Variants in HEMK2 observed in about 807,000 individuals in gnomAD.
HEMK2 encodes the protein methyltransferase HEMK2.
the HEMK2 span, among the ~76,000 whole-genome samples, chr21:28,795,359 T>C: frequency 6.8e-4 from 103 of 152,320 alleles, 4 homozygotes; most frequent in East Asian, 0.018. Flanking sequence ...CCTTTGCTAC[T>C]TCCTGGCTGA....
the HEMK2 span, among the ~76,000 whole-genome samples, chr21:28,722,690 T>A: frequency 6.6e-6 from 1 of 152,140 alleles, no homozygotes; most frequent in Non-Finnish European, 1.5e-5. Context: ...AAGACCAGCC[T>A]GACCAACATG....
At chr21:28,684,082 GT>G in the HEMK2 span, among the ~76,000 whole-genome samples, 1 of 152,272 alleles carries the variant, frequency 6.6e-6, no homozygotes, top group East Asian at 1.9e-4. Context: ...CTTATATGTT[GT>G]TTTGGATACT....
chr21:28,711,493 T>C, the HEMK2 span, among the ~76,000 whole-genome samples: 5 of 152,140 alleles, frequency 3.3e-5, no homozygotes, highest in Non-Finnish European at 5.9e-5. Flanking sequence ...TTTGGGCTGC[T>C]AGAACAGTTG....
chr21:28,691,335 C>A, the HEMK2 span, among the ~76,000 whole-genome samples: 1 of 152,092 alleles, frequency 6.6e-6, no homozygotes, highest in African/African-American at 2.4e-5. Context: ...CAAAGATAAT[C>A]AATTAATTTT....
At chr21:28,778,354 A>G in the HEMK2 span, among the ~76,000 whole-genome samples, 2 of 152,168 alleles carry the variant, frequency 1.3e-5, no homozygotes, top group South Asian at 4.1e-4. Flanking sequence ...TGGTTTAACT[A>G]TTCGTTTGCT....
At chr21:28,851,850 C>G in the HEMK2 span, among the ~76,000 whole-genome samples, 1 of 152,162 alleles carries the variant, frequency 6.6e-6, no homozygotes, top group African/African-American at 2.4e-5. Context: ...GCTAGCCTTG[C>G]CAGCTGAAGG....
the HEMK2 span, among the ~76,000 whole-genome samples, chr21:28,839,002 C>T: frequency 0.13 from 4,325 of 32,698 alleles, 281 homozygotes; most frequent in African/African-American, 0.34. Flanking sequence ...TATATATATA[C>T]ATATATATAC....
At chr21:28,697,328 G>A in the HEMK2 span, among the ~76,000 whole-genome samples, 3 of 152,098 alleles carry the variant, frequency 2.0e-5, no homozygotes, top group Admixed American at 6.5e-5. Flanking sequence ...CTAGGGCAAG[G>A]GCAAAATGCT....
the HEMK2 span, among the ~76,000 whole-genome samples, chr21:28,852,910 T>G: frequency 6.6e-6 from 1 of 152,210 alleles, no homozygotes; most frequent in East Asian, 1.9e-4. Flanking sequence ...TGCTGTCCAT[T>G]CTGGTAGCTA....
chr21:28,754,022 C>A, the HEMK2 span, among the ~76,000 whole-genome samples: 1 of 152,182 alleles, frequency 6.6e-6, no homozygotes, highest in Non-Finnish European at 1.5e-5. Flanking sequence ...TTTCTAAGAT[C>A]ATTCAGTACG....
chr21:28,709,475 G>A, the HEMK2 span, among the ~76,000 whole-genome samples: 11 of 152,050 alleles, frequency 7.2e-5, no homozygotes, highest in Non-Finnish European at 1.0e-4. Context: ...ATTTCCAACC[G>A]GCTGTTATAA....
the HEMK2 span, among the ~76,000 whole-genome samples, chr21:28,701,846 G>A: frequency 6.6e-6 from 1 of 151,964 alleles, no homozygotes; most frequent in African/African-American, 2.4e-5. Flanking sequence ...AAATTCATAT[G>A]GAACCAAAAA....
At chr21:28,626,224 A>C in the HEMK2 span, among the ~76,000 whole-genome samples, 5 of 152,192 alleles carry the variant, frequency 3.3e-5, no homozygotes. Flanking sequence ...TTAAACTATT[A>C]TGCGGTTATT....
At chr21:28,630,680 C>T in the HEMK2 span, among the ~76,000 whole-genome samples, 2 of 146,832 alleles carry the variant, frequency 1.4e-5, no homozygotes, top group African/African-American at 5.1e-5. Context: ...ATCGCAAGGA[C>T]AAAAAACCAA....
chr21:28,609,972 G>A, the HEMK2 span, among the ~76,000 whole-genome samples: 4 of 152,320 alleles, frequency 2.6e-5, no homozygotes, highest in East Asian at 7.7e-4. Context: ...TGAAGGTGTG[G>A]AAAACATATT....
At chr21:28,664,901 A>T in the HEMK2 span, among the ~76,000 whole-genome samples, 2 of 152,174 alleles carry the variant, frequency 1.3e-5, no homozygotes, top group Non-Finnish European at 2.9e-5. Flanking sequence ...ATTATAAGTT[A>T]AAAGTTTGTA....
the HEMK2 span, among the ~76,000 whole-genome samples, chr21:28,706,650 G>A: frequency 1.3e-5 from 2 of 152,200 alleles, no homozygotes; most frequent in South Asian, 4.1e-4. Context: ...TGATTTTGCA[G>A]TTTTCTTTTC....
chr21:28,745,300 C>T, the HEMK2 span, among the ~76,000 whole-genome samples: 120 of 152,274 alleles, frequency 7.9e-4, 2 homozygotes, highest in East Asian at 0.019. Flanking sequence ...AAATCGTTAA[C>T]GATATTTCCA....
At chr21:28,840,553 T>C in the HEMK2 span, among the ~76,000 whole-genome samples, 1 of 151,860 alleles carries the variant, frequency 6.6e-6, no homozygotes, top group African/African-American at 2.4e-5. Flanking sequence ...AAGACATGAA[T>C]AGACAATTCT....
Sources: gnomAD v4.1 joint callset for allele counts (sites outside exome capture counted in the v4.1 genomes callset) on GRCh38, gnomAD v4.1.1 for gene constraint, MANE v1.5 for transcripts, NCBI Gene and HGNC (gene_info 2026-07-23, HGNC 2026-07-21) for gene names.